The following SERP2 variants were observed in gnomAD, a reference collection of about 807,000 sequenced individuals.
SERP2 encodes the protein stress-associated endoplasmic reticulum protein 2.
A neutral mutation model predicts 9.1 loss-of-function variants in SERP2; 6 were observed. The observed-to-expected ratio is 0.66, with a 90% CI of 0.36 to 1.30. The LOEUF (loss-of-function observed/expected upper bound fraction) is 1.30, where lower values mean the gene tolerates loss of function less well. Ranked by LOEUF, SERP2 falls within the 50% of genes most tolerant of loss-of-function variation. The pLI is 0.03. For synonymous variants in SERP2, 37 were observed against 27.3 expected (o/e 1.35, Z -1.10); for missense variants, 58 against 81.9 (o/e 0.71, Z 1.13).
intron 2 of SERP2, among the ~76,000 whole-genome samples, chr13:44,387,080 T>C (rs927595664): frequency 6.6e-6 from 1 of 152,202 alleles, no homozygotes; most frequent in Non-Finnish European, 1.5e-5. Context: ...GAATGCTTGC[T>C]TTTATCTCAA....
At position 44,383,616 on chromosome 13, in the gene SERP2, C is replaced by T. The variant is rs534599654; in HGVS notation, c.157+3903C>T. Among the ~76,000 whole-genome samples the T allele has an allele frequency of 4.9e-5, 7 of 144,168 alleles. No homozygotes were observed. In the South Asian group the frequency reaches 9.0e-4, roughly 18 times the overall value. The allele number at this position is 144,168 out of a possible 152,430, so 94.6% of individuals were successfully genotyped here. ...AGGCTGGAGTGCAGTGGCGCAATCT[C>T]GGCCCACGGCAACCTCCACCTCCCA... On this transcript the variant is annotated intron_variant, in intron 2 of 2. Coordinates refer to ENST00000379179, the MANE Select transcript of SERP2 (RefSeq NM_001010897.3).
chr13:44,382,037 T>TGGAC (rs397949448), intron 2 of SERP2, among the ~76,000 whole-genome samples: 1 of 149,924 alleles, frequency 6.7e-6, no homozygotes, highest in African/African-American at 2.4e-5. Flanking sequence ...GATGGATGGA[T>TGGAC]AAAGCCAGAT....
chr13:44,389,129 C>G (rs1035485647), intron 2 of SERP2, among the ~76,000 whole-genome samples: 1 of 152,180 alleles, frequency 6.6e-6, no homozygotes, highest in African/African-American at 2.4e-5. Context: ...TCTCTGAAAT[C>G]TTTTGGGGAC....
At chr13:44,386,743 T>G (rs141642464) in intron 2 of SERP2, among the ~76,000 whole-genome samples, 3 of 152,360 alleles carry the variant, frequency 2.0e-5, no homozygotes, top group African/African-American at 7.2e-5. Context: ...TCAATACCTG[T>G]TATGGGTCTG....
chr13:44,376,882 C>T lies in SERP2; in HGVS notation c.85-2759C>T, dbSNP rs536828404. ...AATTTCAGAGTTCTGAGTTACCCTA[C>T]GGGTATCTTAATCACAGGGAAAGCC... is the stretch of plus-strand genomic sequence containing the variant. On this transcript the variant is annotated intron_variant, in intron 1 of 2. Coordinates refer to ENST00000379179, the MANE Select transcript of SERP2 (RefSeq NM_001010897.3). Among the ~76,000 whole-genome samples the T allele has an allele frequency of 4.4e-4, 67 of 152,274 alleles. No homozygotes were observed. The Middle Eastern group carries it at 0.014, about 31-fold the overall frequency.
intron 2 of SERP2, 57 bp downstream of exon 2, chr13:44,379,770 C>A: frequency 2.5e-6 from 3 of 1,195,802 alleles, no homozygotes; most frequent in Non-Finnish European, 3.6e-6. Context: ...TTGAAAAACA[C>A]ACGTTTTCTT....
intron 1 of SERP2, among the ~76,000 whole-genome samples, chr13:44,377,967 T>C (rs1871758403): frequency 6.6e-6 from 1 of 152,210 alleles, no homozygotes; most frequent in African/African-American, 2.4e-5. Context: ...TTAAACACAT[T>C]AATTATCACA....
chr13:44,376,440 G>A (rs1427921514), intron 1 of SERP2, among the ~76,000 whole-genome samples: 1 of 152,094 alleles, frequency 6.6e-6, no homozygotes, highest in Non-Finnish European at 1.5e-5. Context: ...AATAGCTTAC[G>A]GATAAATTAA....
intron 2 of SERP2, among the ~76,000 whole-genome samples, chr13:44,394,344 C>T (rs1330822916): frequency 1.3e-5 from 2 of 152,170 alleles, no homozygotes; most frequent in African/African-American, 4.8e-5. Context: ...AGGATGGTCT[C>T]AATCTCTTGA....
intron 1 of SERP2, 108 bp downstream of exon 1, chr13:44,374,217 C>A: frequency 1.4e-6 from 1 of 740,016 alleles, no homozygotes; most frequent in Non-Finnish European, 2.0e-6. Flanking sequence ...GGCCTCCCGG[C>A]TCCCGGCCCG....
intron 2 of SERP2, among the ~76,000 whole-genome samples, chr13:44,387,752 G>C (rs1209389388): frequency 6.6e-6 from 1 of 152,122 alleles, no homozygotes; most frequent in Non-Finnish European, 1.5e-5. Flanking sequence ...AGCATCAATG[G>C]AGTCACCATC....
Position 44,379,703 on chromosome 13 carries a change from C to A in SERP2, c.147C>A (p.Val49=). The A allele has an allele frequency of 6.2e-7, 1 of 1,611,652 alleles. No homozygotes were observed. The highest frequency in any genetic ancestry group is 8.5e-7 in the Non-Finnish European group (1 of 1,178,388). The part of the protein sequence containing the change: ...PWLLALFVFV[V]CGSAIFQIIQ... ...TGTTGGCACTGTTTGTTTTTGTTGT[C>A]TGTGGCTCAGGTATGGGTGTTTCAC... The change falls in exon 2 of 3, where the codon GTC becomes GTA. Residue 49 remains valine, a synonymous_variant. Coordinates refer to ENST00000379179, the MANE Select transcript of SERP2 (RefSeq NM_001010897.3).
At chr13:44,389,523 C>A (rs2138792807) in intron 2 of SERP2, among the ~76,000 whole-genome samples, 1 of 152,284 alleles carries the variant, frequency 6.6e-6, no homozygotes, top group Non-Finnish European at 1.5e-5. Context: ...CAACTCTCCA[C>A]CTCCCTGGGA....
chr13:44,391,181 T>A (rs1872736231), intron 2 of SERP2: 1 of 152,164 alleles, frequency 6.6e-6, no homozygotes. Context: ...GCACTCCCTC[T>A]TAGCTGGGGA....
intron 2 of SERP2, among the ~76,000 whole-genome samples, chr13:44,395,534 G>A (rs1271499152): frequency 6.6e-6 from 1 of 150,462 alleles, no homozygotes; most frequent in Non-Finnish European, 1.5e-5. Context: ...AACCGGGGAG[G>A]CGGAGCTTGC....
chr13:44,387,466 C>G (rs914912400), intron 2 of SERP2, among the ~76,000 whole-genome samples: 1 of 152,216 alleles, frequency 6.6e-6, no homozygotes, highest in Admixed American at 6.5e-5. Context: ...ACGGTATTCA[C>G]AAGACAGCTG....
intron 2 of SERP2, among the ~76,000 whole-genome samples, chr13:44,385,834 T>C (rs961174695): frequency 3.3e-5 from 5 of 152,258 alleles, no homozygotes; most frequent in Non-Finnish European, 7.4e-5. Flanking sequence ...TACAGGCCCA[T>C]AGCAAGCCCA....
chr13:44,397,102 A>T (rs1426814680), intron 2 of SERP2, among the ~76,000 whole-genome samples, 170 bp from the exon 3 acceptor site: 1 of 152,114 alleles, frequency 6.6e-6, no homozygotes, highest in Admixed American at 6.5e-5. Flanking sequence ...CTGCCTTTTT[A>T]AAGAAGTTCA....
chr13:44,380,755 G>C (rs565923748), intron 2 of SERP2, among the ~76,000 whole-genome samples: 1 of 152,150 alleles, frequency 6.6e-6, no homozygotes, highest in Non-Finnish European at 1.5e-5. Context: ...TCCCAAAGAA[G>C]TATCTTTAAG....
Sources: gnomAD v4.1 joint callset for allele counts (sites outside exome capture counted in the v4.1 genomes callset) on GRCh38, gnomAD v4.1.1 for gene constraint, MANE v1.5 for transcripts, NCBI Gene and HGNC (gene_info 2026-07-23, HGNC 2026-07-21) for gene names.